The following TMEM167A variants were observed in gnomAD, a reference collection of about 807,000 sequenced individuals.
TMEM167A encodes transmembrane protein 167A.
In TMEM167A, 8 loss-of-function variants were observed where a neutral mutation model predicts 11.6. That is an observed-to-expected ratio of 0.69 (90% CI 0.40 to 1.24). The LOEUF (loss-of-function observed/expected upper bound fraction) is 1.24, where lower values mean the gene tolerates loss of function less well. TMEM167A is among the 50% of genes most tolerant of loss of function. TMEM167A has a pLI of 0.01. For missense variants in TMEM167A, 62 were observed against 87.0 expected, an observed-to-expected ratio of 0.71 and a Z score of 1.14; for synonymous variants, 22 against 28.0, an observed-to-expected ratio of 0.79 and a Z score of 0.67.
chr5:83,076,681 T>G (rs1424377507), intron 1 of TMEM167A, among the ~76,000 whole-genome samples: 1 of 152,216 alleles, frequency 6.6e-6, no homozygotes, highest in Non-Finnish European at 1.5e-5. Context: ...GAAATATACA[T>G]AACATTTGGC....
In TMEM167A at chr5:83,053,208, T is replaced by C. The variant is rs1342261035; in HGVS notation, c.*3876A>G. 2 of 151,994 alleles carry C rather than the reference T, an allele frequency of 1.3e-5. No homozygotes were observed. Among genetic ancestry groups the C allele is most frequent in the Non-Finnish European group, 2.9e-5 (2 of 67,918 alleles). The allele number at this position is 151,994 out of a possible 1,614,324, so 9.4% of individuals were successfully genotyped here. On this transcript the variant is annotated 3_prime_UTR_variant, in exon 4 of 4. Transcript: ENST00000502346. ...GTTATTTAAGAATCTTCCATTCTTG[T>C]TATAAGCTTCCTATGATCCAGTAAC...
At chr5:83,064,981 G>T in intron 2 of TMEM167A, 27 bp downstream of exon 2, 2 of 1,295,240 alleles carry the variant, frequency 1.5e-6, no homozygotes, top group South Asian at 1.3e-5. Context: ...AACTAATTTG[G>T]GTGATTAGAC....
chr5:83,063,446 AGCCATGG>A (rs1223116728), intron 2 of TMEM167A, among the ~76,000 whole-genome samples: 1 of 152,140 alleles, frequency 6.6e-6, no homozygotes, highest in Non-Finnish European at 1.5e-5. Flanking sequence ...GCATTTGCAA[AGCCATGG>A]CTCCTTCATT....
chr5:83,075,453 A>T (rs1215194064), intron 1 of TMEM167A, among the ~76,000 whole-genome samples: 1 of 152,198 alleles, frequency 6.6e-6, no homozygotes, highest in Non-Finnish European at 1.5e-5. Context: ...AATGCTTTTT[A>T]AAAAGATTCT....
Position 83,056,955 on chromosome 5 carries a change from A to T in TMEM167A, c.*129T>A. 2.5e-6 allele frequency: 2 copies of T among 808,800 alleles called. No individual in the cohort carries two copies. Among genetic ancestry groups the T allele is most frequent in the East Asian group, 5.3e-5 (2 of 37,968 alleles). The allele number at this position is 808,800 out of a possible 1,614,324, so 50.1% of individuals were successfully genotyped here. A position where few individuals can be genotyped will look rare whatever the true frequency, so the allele number is the denominator to read the frequency against. On this transcript the variant is annotated 3_prime_UTR_variant, in exon 4 of 4. Transcript: ENST00000502346. ...GTCCAATAACATTAAAATAGAGAAC[A>T]GCATCTGGAAATTTATCTCATTCAA... is the stretch of plus-strand genomic sequence containing the variant.
rs1435262679 is a variant in TMEM167A at position 83,054,092 on chromosome 5, A to G, written c.*2992T>C. The stretch of plus-strand genomic sequence containing the variant: ...GGAAAAGTTAATTTATTCAATCTCT[A>G]TTTTGTCCTAACTAGACTGATCATC... On this transcript the variant is annotated 3_prime_UTR_variant, in exon 4 of 4. Transcript: ENST00000502346. 6.6e-6 allele frequency: 1 copy of G among 151,966 alleles called. No homozygotes were observed. The highest frequency in any genetic ancestry group is 1.5e-5 in the Non-Finnish European group (1 of 67,902). The allele number at this position is 151,966 out of a possible 1,614,324, so 9.4% of individuals were successfully genotyped here.
rs1426339383 is a variant in TMEM167A at position 83,065,045 on chromosome 5, A to G, written c.76T>C (p.Ser26Pro). Residue 26 changes from serine (S) to proline (P), a missense_variant, in exon 2 of 4, where the codon TCC becomes CCC. Ser to Pro is a moderately conservative substitution (Grantham distance 74, BLOSUM62 -1). Coordinates refer to ENST00000502346, the MANE Select transcript of TMEM167A (RefSeq NM_174909.5). Reference sequence around the variant, plus strand: ...CTGTCCAGGAGGCTGGGTGCCAAGGATCGAATATAAGCACAGGTACATATA... The same window carrying G: ...CTGTCCAGGAGGCTGGGTGCCAAGGGTCGAATATAAGCACAGGTACATATA... ...LLICTCAYIR[S>P]LAPSLLDRNK... 6.2e-7 allele frequency: 1 copy of G among 1,608,436 alleles called. No homozygotes were observed. Among genetic ancestry groups the G allele is most frequent in the African/African-American group, 1.3e-5 (1 of 74,792 alleles).
chr5:83,061,675 G>T (rs761079382), intron 3 of TMEM167A, among the ~76,000 whole-genome samples: 1 of 152,208 alleles, frequency 6.6e-6, no homozygotes, highest in Non-Finnish European at 1.5e-5. Flanking sequence ...GACTACAGGC[G>T]TGAGCCACCA....
intron 3 of TMEM167A, among the ~76,000 whole-genome samples, chr5:83,058,139 C>T (rs113419310): frequency 2.6e-3 from 398 of 152,138 alleles, no homozygotes; most frequent in African/African-American, 8.9e-3. Flanking sequence ...AACTCCTTAT[C>T]CCACTTAGCA....
intron 1 of TMEM167A, among the ~76,000 whole-genome samples, chr5:83,076,723 C>T (rs1483286769): frequency 6.6e-6 from 1 of 152,144 alleles, no homozygotes; most frequent in Non-Finnish European, 1.5e-5. Context: ...AGGAGGAAGG[C>T]CTGAGGCTAG....
chr5:83,064,942 T>A, intron 2 of TMEM167A, 66 bp downstream of exon 2: 1 of 922,400 alleles, frequency 1.1e-6, no homozygotes. Flanking sequence ...TAATAATTTA[T>A]ATGTTAACTT....
At position 83,055,506 on chromosome 5, in the gene TMEM167A, T is replaced by A. The variant is rs1744314866; in HGVS notation, c.*1578A>T. The A allele has an allele frequency of 6.6e-6, 1 of 151,956 alleles. No homozygotes were observed. The highest frequency in any genetic ancestry group is 2.1e-4 in the South Asian group (1 of 4,832). The allele number at this position is 151,956 out of a possible 1,614,324, so 9.4% of individuals were successfully genotyped here. A position where few individuals can be genotyped will look rare whatever the true frequency, so the allele number is the denominator to read the frequency against. ...AGGAAGAACAATGATTATAACCTGA[T>A]TCCCTATCTAAAGCAAAATATACCA... is the stretch of plus-strand genomic sequence containing the variant. On this transcript the variant is annotated 3_prime_UTR_variant, in exon 4 of 4. Transcript: ENST00000502346.
Position 83,077,307 on chromosome 5 carries a change from G to A in TMEM167A, c.3+14C>T. Reference sequence around the variant, plus strand: ...CTCGAAGATCAACCGCGACCTGGGAGCCCCACTTCTTACCATAGCGAGGCC... The same window carrying A: ...CTCGAAGATCAACCGCGACCTGGGAACCCCACTTCTTACCATAGCGAGGCC... On this transcript the variant is annotated intron_variant, in intron 1 of 3. Transcript: ENST00000502346. 1.2e-6 allele frequency: 2 copies of A among 1,614,196 alleles called. No homozygotes were observed. Among genetic ancestry groups the A allele is most frequent in the Non-Finnish European group, 1.7e-6 (2 of 1,180,018 alleles).
chr5:83,077,165 T>A (rs1744693535), intron 1 of TMEM167A, among the ~76,000 whole-genome samples, 156 bp downstream of exon 1: 3 of 152,202 alleles, frequency 2.0e-5, no homozygotes, highest in Non-Finnish European at 4.4e-5. Flanking sequence ...CAGTCCGTCC[T>A]GATTCTCTCT....
chr5:83,060,703 T>G (rs886328311), intron 3 of TMEM167A, among the ~76,000 whole-genome samples: 1 of 151,510 alleles, frequency 6.6e-6, no homozygotes, highest in African/African-American at 2.4e-5. Context: ...TGGTGGTGGG[T>G]GCCTGTAATC....
chr5:83,053,977 T>A lies in TMEM167A; in HGVS notation c.*3107A>T, dbSNP rs543865131. On this transcript the variant is annotated 3_prime_UTR_variant, in exon 4 of 4. Transcript: ENST00000502346. Reference sequence around the variant, plus strand: ...CTTCAGTGATGATATACTGAAAGAATGGTGTAGGAGTAGAAATATTCTATT... The same window carrying A: ...CTTCAGTGATGATATACTGAAAGAAAGGTGTAGGAGTAGAAATATTCTATT... 2.6e-5 allele frequency: 4 copies of A among 152,198 alleles called. No individual in the cohort carries two copies. The East Asian group carries it at 7.7e-4, about 29-fold the overall frequency. The allele number at this position is 152,198 out of a possible 1,614,324, so 9.4% of individuals were successfully genotyped here.
intron 3 of TMEM167A, among the ~76,000 whole-genome samples, chr5:83,061,525 C>A (rs543123937): frequency 1.3e-5 from 2 of 152,250 alleles, no homozygotes; most frequent in Admixed American, 6.5e-5. Flanking sequence ...CCTTCTGCCT[C>A]AGCCTCCTGA....
intron 1 of TMEM167A, among the ~76,000 whole-genome samples, chr5:83,074,809 T>C (rs1005526757): frequency 1.3e-5 from 2 of 152,048 alleles, no homozygotes; most frequent in Admixed American, 6.5e-5. Context: ...TCGCTCTTGT[T>C]GTCCAGGCTG....
chr5:83,061,778 G>A lies in TMEM167A; in HGVS notation c.148+99C>T. 5 of 1,165,602 alleles carry A rather than the reference G, an allele frequency of 4.3e-6. No individual in the cohort carries two copies. In the Admixed American group the frequency reaches 5.8e-5, roughly 13 times the overall value. The allele number at this position is 1,165,602 out of a possible 1,614,324, so 72.2% of individuals were successfully genotyped here. A position where few individuals can be genotyped will look rare whatever the true frequency, so the allele number is the denominator to read the frequency against. On this transcript the variant is annotated intron_variant, in intron 3 of 3. Transcript: ENST00000502346. The stretch of plus-strand genomic sequence containing the variant: ...GAAAATGCATAAAATTGGGAAGCCT[G>A]CCCTTTAAAAATTAACATTTGACTT...
Sources: gnomAD v4.1 joint callset for allele counts (sites outside exome capture counted in the v4.1 genomes callset) on GRCh38, gnomAD v4.1.1 for gene constraint, MANE v1.5 for transcripts, NCBI Gene and HGNC (gene_info 2026-07-23, HGNC 2026-07-21) for gene names.